The following RALGAPA2 variants were observed in gnomAD, a reference collection of about 807,000 sequenced individuals.
The protein encoded by RALGAPA2 is Ral GTPase activating protein catalytic subunit alpha 2.
A neutral mutation model predicts 230.4 loss-of-function variants in RALGAPA2; 139 were observed. The observed-to-expected ratio is 0.60, with a 90% CI of 0.53 to 0.69. The LOEUF is 0.69. RALGAPA2 is among the 30% of genes least tolerant of loss of function. The probability of loss-of-function intolerance (pLI) is 0.00; values close to 1 mark genes in which losing one functional copy is unlikely to be tolerated. For missense variants in RALGAPA2, 2,163 were observed against 2,276.0 expected (o/e 0.95, Z 1.01); for synonymous variants, 847 against 837.8 (o/e 1.01, Z -0.19).
At chr20:20,559,663 A>G (rs949376860) in intron 23 of RALGAPA2, among the ~76,000 whole-genome samples, 2 of 150,912 alleles carry the variant, frequency 1.3e-5, no homozygotes, top group Non-Finnish European at 2.9e-5. Context: ...GGGGCCTAAA[A>G]ACAACTTTTT....
chr20:20,541,215 T>A (rs1398591322), intron 24 of RALGAPA2, among the ~76,000 whole-genome samples: 2 of 152,104 alleles, frequency 1.3e-5, no homozygotes, highest in African/African-American at 2.4e-5. Context: ...CCTGAGCATT[T>A]TTCATACATA....
At chr20:20,585,133 C>T (rs552108817) in intron 18 of RALGAPA2, among the ~76,000 whole-genome samples, 178 bp from the exon 19 acceptor site, 1 of 145,708 alleles carries the variant, frequency 6.9e-6, no homozygotes, top group East Asian at 1.9e-4. Flanking sequence ...TTTTATGTTA[C>T]TCAAGATCTG....
At chr20:20,534,438 C>G (rs2063448065) in intron 26 of RALGAPA2, among the ~76,000 whole-genome samples, 1 of 150,704 alleles carries the variant, frequency 6.6e-6, no homozygotes, top group East Asian at 2.0e-4. Flanking sequence ...GAGCAAGACC[C>G]CATCTCAAAA....
In RALGAPA2 at chr20:20,660,493, G is replaced by A. The variant is rs141925205; in HGVS notation, c.271-6906C>T. Among the ~76,000 whole-genome samples the A allele has an allele frequency of 1.3e-4, 19 of 151,774 alleles. No individual in the cohort carries two copies. The East Asian group carries it at 1.9e-3, about 15-fold the overall frequency. Reference sequence around the variant, plus strand: ...AAATATGAGAATTGCAGAGTTGATCGGAAGAGCATAATACAAAAGTACAGG... The same window carrying A: ...AAATATGAGAATTGCAGAGTTGATCAGAAGAGCATAATACAAAAGTACAGG... On this transcript the variant is annotated intron_variant, in intron 3 of 39. Coordinates refer to ENST00000202677, the MANE Select transcript of RALGAPA2 (RefSeq NM_020343.4).
chr20:20,621,622 G>A (rs1305422738), intron 10 of RALGAPA2, among the ~76,000 whole-genome samples: 1 of 152,120 alleles, frequency 6.6e-6, no homozygotes, highest in Non-Finnish European at 1.5e-5. Flanking sequence ...CTCTGGCAAA[G>A]TTGTAGCATT....
chr20:20,575,371 C>G (rs1233324468), intron 20 of RALGAPA2, among the ~76,000 whole-genome samples: 2 of 151,812 alleles, frequency 1.3e-5, no homozygotes, highest in Non-Finnish European at 2.9e-5. Flanking sequence ...TCACTGTGTT[C>G]CTGAAGAACC....
At chr20:20,624,164 T>C (rs780078736) in intron 10 of RALGAPA2, among the ~76,000 whole-genome samples, 1 of 151,830 alleles carries the variant, frequency 6.6e-6, no homozygotes, top group Non-Finnish European at 1.5e-5. Flanking sequence ...CCGTCTCTAC[T>C]AAAAATACAA....
intron 1 of RALGAPA2, among the ~76,000 whole-genome samples, chr20:20,690,835 C>T (rs2068876488): frequency 6.6e-6 from 1 of 152,196 alleles, no homozygotes; most frequent in Non-Finnish European, 1.5e-5. Context: ...CTGCTGCTCA[C>T]ACCATCTACC....
intron 35 of RALGAPA2, among the ~76,000 whole-genome samples, chr20:20,499,712 C>A (rs997764563): frequency 6.6e-6 from 1 of 152,168 alleles, no homozygotes; most frequent in Non-Finnish European, 1.5e-5. Context: ...CATGCTGGGG[C>A]AGGAGAGGGA....
At chr20:20,523,490 G>A (rs2063105580) in intron 30 of RALGAPA2, among the ~76,000 whole-genome samples, 1 of 152,226 alleles carries the variant, frequency 6.6e-6, no homozygotes, top group Non-Finnish European at 1.5e-5. Context: ...TATACAAATA[G>A]ATAAAAGAAA....
chr20:20,707,034 A>T (rs1222707419), intron 1 of RALGAPA2, among the ~76,000 whole-genome samples: 1 of 152,102 alleles, frequency 6.6e-6, no homozygotes, highest in Non-Finnish European at 1.5e-5. Flanking sequence ...CGCCACTTGG[A>T]TCTTGCCTTT....
intron 7 of RALGAPA2, among the ~76,000 whole-genome samples, 162 bp downstream of exon 7, chr20:20,639,623 T>TA (rs895613505): frequency 5.9e-5 from 9 of 152,206 alleles, no homozygotes; most frequent in African/African-American, 1.7e-4. Flanking sequence ...TGAAGTGACC[T>TA]AAAAAATGGT....
chr20:20,639,928 C>T lies in RALGAPA2; in HGVS notation c.551-28G>A, dbSNP rs2066977608. On this transcript the variant is annotated intron_variant, in intron 6 of 39. Transcript: ENST00000202677. ...GAAAGGACAGAAAATGATGACAGCT[C>T]ATTCACCAAAGTTAAATTTTAAACA... 5.3e-6 allele frequency: 8 copies of T among 1,504,128 alleles called. No individual in the cohort carries two copies. In the African/African-American group the frequency reaches 8.3e-5, roughly 16 times the overall value. 93.2% of individuals were successfully genotyped at this position (1,504,128 alleles called of 1,614,324 possible).
At chr20:20,541,071 T>TC (rs1317964610) in intron 24 of RALGAPA2, among the ~76,000 whole-genome samples, 1 of 151,532 alleles carries the variant, frequency 6.6e-6, no homozygotes, top group Non-Finnish European at 1.5e-5. Context: ...TTTTTTTTTT[T>TC]TTTTACGTAT....
chr20:20,466,197 G>T (rs1476466495), intron 37 of RALGAPA2, among the ~76,000 whole-genome samples: 1 of 152,248 alleles, frequency 6.6e-6, no homozygotes, highest in Non-Finnish European at 1.5e-5. Flanking sequence ...GCCCCATAGG[G>T]TCAGATATTC....
chr20:20,446,684 A>G (rs115017562), intron 37 of RALGAPA2, among the ~76,000 whole-genome samples: 1,801 of 152,340 alleles, frequency 0.012, 39 homozygotes, highest in African/African-American at 0.042. Context: ...GGTATAATGC[A>G]GAGGGCAAAT....
At position 20,629,435 on chromosome 20, in the gene RALGAPA2, C is replaced by T; in HGVS notation, c.1161G>A (p.Val387=). ...AGAGAATCCGCTGTACCATTTCATA[C>T]ACCATTCGGTGCTCTTCTTCAATGC... ...LCSIEEEHRM[V]YEMVQRILLS... The change falls in exon 10 of 40, where the codon GTG becomes GTA. Residue 387 remains valine, a synonymous_variant. Transcript: ENST00000202677. 6.2e-7 allele frequency: 1 copy of T among 1,613,916 alleles called. No homozygotes were observed. The highest frequency in any genetic ancestry group is 8.5e-7 in the Non-Finnish European group (1 of 1,179,882).
rs118072898 is a variant in RALGAPA2 at position 20,669,026 on chromosome 20, G to T, written c.270+7210C>A. Among the ~76,000 whole-genome samples the T allele has an allele frequency of 8.7e-4, 133 of 152,246 alleles. 2 individuals carry two copies. The East Asian group carries it at 0.024, about 27-fold the overall frequency. On this transcript the variant is annotated intron_variant, in intron 3 of 39. Transcript: ENST00000202677. ...TAGAAACAGGGTTTAATATAGTGGG[G>T]TAATTTAAATAAAATTTAGAATAAA...
chr20:20,632,305 C>A (rs2066703189), intron 9 of RALGAPA2, among the ~76,000 whole-genome samples: 1 of 152,122 alleles, frequency 6.6e-6, no homozygotes, highest in Non-Finnish European at 1.5e-5. Context: ...GCTGGGATTA[C>A]ATGTGTGAGC....
Sources: gnomAD v4.1 joint callset for allele counts (sites outside exome capture counted in the v4.1 genomes callset) on GRCh38, gnomAD v4.1.1 for gene constraint, MANE v1.5 for transcripts, NCBI Gene and HGNC (gene_info 2026-07-23, HGNC 2026-07-21) for gene names.